PIEZO1: variants seen among roughly 807,000 people sequenced by gnomAD.
PIEZO1 encodes the protein piezo type mechanosensitive ion channel component 1 (Er blood group), also known as piezo-type mechanosensitive ion channel component 1.
Under a neutral mutation model 297.2 loss-of-function variants are expected in PIEZO1, and 296 were observed. The ratio of observed to expected loss-of-function variants is 1.00; its 90% CI spans 0.91 to 1.10. The LOEUF (loss-of-function observed/expected upper bound fraction) is 1.10, where lower values mean the gene tolerates loss of function less well. PIEZO1 is among the 50% of genes least tolerant of loss of function. The pLI, the probability that PIEZO1 is intolerant of heterozygous loss-of-function variation, is 0.00. For synonymous variants in PIEZO1, 2,427 were observed against 1,507.5 expected, an observed-to-expected ratio of 1.61 and a Z score of -14.13; for missense variants, 5,018 against 3,455.5, an observed-to-expected ratio of 1.45 and a Z score of -11.34.
intron 2 of PIEZO1, among the ~76,000 whole-genome samples, chr16:88,748,407 CCT>C (rs1219504208): frequency 8.0e-6 from 1 of 125,624 alleles, no homozygotes; most frequent in Non-Finnish European, 2.0e-5. Context: ...GCCTCACCGC[CCT>C]CTGTTTGGAG....
intron 12 of PIEZO1, among the ~76,000 whole-genome samples, chr16:88,735,597 A>G (rs1359190203): frequency 6.6e-6 from 1 of 152,264 alleles, no homozygotes; most frequent in Non-Finnish European, 1.5e-5. Context: ...ACATATGCAC[A>G]CAAGCTCACA....
chr16:88,749,513 C>G (rs1179053367), intron 1 of PIEZO1, 34 bp from the exon 2 acceptor site: 2 of 1,465,650 alleles, frequency 1.4e-6, no homozygotes, highest in Non-Finnish European at 1.8e-6. Context: ...AGGTCGCCAA[C>G]AGAGGATGGC....
chr16:88,784,992 A>G lies in PIEZO1; in HGVS notation c.-28T>C. On this transcript the variant is annotated 5_prime_UTR_variant, in exon 1 of 51. Coordinates refer to ENST00000301015, the MANE Select transcript of PIEZO1 (RefSeq NM_001142864.4). ...CTGGAGGGCCCAGGGCCCGGCCCAG[A>G]CCGAGCGGACGCCGCGGCGCTATGG... The G allele has an allele frequency of 1.6e-6, 2 of 1,227,022 alleles. No homozygotes were observed. The highest frequency in any genetic ancestry group is 2.0e-6 in the Non-Finnish European group (2 of 979,472). The allele number at this position is 1,227,022 out of a possible 1,614,324, so 76.0% of individuals were successfully genotyped here.
rs1912442567 is a variant in PIEZO1, at chr16:88,721,410, A to G, written c.5424T>C (p.His1808=). ...GCTCCTTGGATGGTGAGTCCTCCTC[A>G]TGGTCCCAGAGGCCATAGCACTGAG... ...SQLLCYGLWD[H]EEDSPSKEHD... The change falls in exon 39 of 51, where the codon CAT becomes CAC. Residue 1808 remains histidine, a synonymous_variant. Transcript: ENST00000301015. The G allele has an allele frequency of 2.6e-6, 4 of 1,548,960 alleles. No individual in the cohort carries two copies. The highest frequency in any genetic ancestry group is 3.9e-5 in the Admixed American group (2 of 50,898).
intron 1 of PIEZO1, among the ~76,000 whole-genome samples, chr16:88,754,003 G>A (rs1906529000): frequency 6.6e-6 from 1 of 152,248 alleles, no homozygotes; most frequent in Admixed American, 6.5e-5. Flanking sequence ...AGCTGCCCAG[G>A]CTGGGCCTGT....
intron 10 of PIEZO1, 107 bp from the exon 11 acceptor site, chr16:88,736,846 A>C (rs1173294441): frequency 1.5e-6 from 1 of 669,220 alleles, no homozygotes; most frequent in Admixed American, 3.1e-5. Flanking sequence ...CAGGAGAGAC[A>C]GGCCCCCGGT....
rs754595848 is a variant in PIEZO1, at chr16:88,732,419, G to C, written c.2907C>G (p.Ser969Arg). The change falls in exon 21 of 51, where the codon AGC becomes AGG. Residue 969 changes from serine to arginine, a missense_variant. Physicochemically the swap from Ser to Arg is moderately radical, Grantham distance 110. Coordinates refer to ENST00000301015, the MANE Select transcript of PIEZO1 (RefSeq NM_001142864.4). ...APLPAQAVFA[S>R]GTRQQLDQDL... ...CCTGGTCCAGCTGCTGGCGGGTGCC[G>C]CTGGCAAACACGGCCTGGGCAGGCA... 1.9e-6 allele frequency: 3 copies of C among 1,549,730 alleles called. No individual in the cohort carries two copies. The highest frequency in any genetic ancestry group is 3.9e-5 in the Admixed American group (2 of 50,984).
chr16:88,719,596 TTGA>T lies in PIEZO1; in HGVS notation c.6446_6448del (p.Ile2149del), dbSNP rs1912282242. 6.4e-7 allele frequency: 1 copy of T among 1,551,266 alleles called. No individual in the cohort carries two copies. The highest frequency in any genetic ancestry group is 8.7e-7 in the Non-Finnish European group (1 of 1,147,294). ...CACCTTCTCTGTCTCTCGGCTGCAT[TTGA>T]TGATGAAGATGTTGGCATAGATGTC... On this transcript the variant is annotated inframe_deletion, in exon 44 of 51. Transcript: ENST00000301015.
chr16:88,780,127 C>T (rs1907862614), intron 1 of PIEZO1, among the ~76,000 whole-genome samples: 1 of 152,224 alleles, frequency 6.6e-6, no homozygotes, highest in Admixed American at 6.5e-5. Context: ...TCTGCCTGCC[C>T]CCGTCCTCCC....
At chr16:88,761,531 G>A (rs1246265456) in intron 1 of PIEZO1, among the ~76,000 whole-genome samples, 2 of 152,206 alleles carry the variant, frequency 1.3e-5, no homozygotes, top group South Asian at 4.1e-4. Context: ...TGTGCTTGCG[G>A]GGTGGGGGCG....
chr16:88,723,394 G>A (rs1322333104), intron 31 of PIEZO1, 66 bp from the exon 32 acceptor site: 3 of 1,520,476 alleles, frequency 2.0e-6, no homozygotes, highest in Non-Finnish European at 2.6e-6. Context: ...GGAAGCTGGG[G>A]TTGGGCAAGC....
chr16:88,778,167 G>A (rs1011619450), intron 1 of PIEZO1, among the ~76,000 whole-genome samples: 44 of 152,208 alleles, frequency 2.9e-4, no homozygotes, highest in African/African-American at 9.9e-4. Flanking sequence ...CTCCCGGACC[G>A]GTGTAGCTCA....
intron 1 of PIEZO1, among the ~76,000 whole-genome samples, chr16:88,771,049 A>G (rs1471268344): frequency 6.6e-6 from 1 of 152,176 alleles, no homozygotes; most frequent in Non-Finnish European, 1.5e-5. Context: ...TCTGTGTTGC[A>G]AGGTCCTTCC....
intron 2 of PIEZO1, chr16:88,743,425 G>A (rs557183859): frequency 1.4e-5 from 6 of 437,780 alleles, no homozygotes; most frequent in Admixed American, 7.2e-5. Context: ...CACCAGCCAC[G>A]CCCGGCCACG....
intron 1 of PIEZO1, 129 bp from the exon 2 acceptor site, chr16:88,749,608 C>A: frequency 1.5e-6 from 1 of 688,782 alleles, no homozygotes. Context: ...TGCCCTGAGC[C>A]AGAGCCGTGG....
Position 88,721,276 on chromosome 16 carries a change from C to G in PIEZO1, c.5558G>C (p.Gly1853Ala), listed in dbSNP as rs775101559. 5 of 1,544,256 alleles carry G rather than the reference C, an allele frequency of 3.2e-6. No individual in the cohort carries two copies. The South Asian group carries it at 5.9e-5, about 18-fold the overall frequency. The change falls in exon 39 of 51, where the codon GGG becomes GCG. Residue 1853 changes from glycine (G) to alanine (A), a missense_variant. Gly to Ala is a moderately conservative substitution (Grantham distance 60, BLOSUM62 0). Coordinates refer to ENST00000301015, the MANE Select transcript of PIEZO1 (RefSeq NM_001142864.4). ...GAGCTCCACTTGGGGTTCTGGGGTC[C>G]CGTCCGTGGGTCCGACCCTGGCTTC... is the stretch of plus-strand genomic sequence containing the variant. ...QVEARVGPTD[G>A]TPEPQVELRP...
rs760315620 is a variant in PIEZO1 at position 88,722,207 on chromosome 16, C to A, written c.4955+11G>T. On this transcript the variant is annotated intron_variant, in intron 36 of 50. Transcript: ENST00000301015. ...ATGGTGAGGCTGGTGTTGTGCGCGT[C>A]CCGCCCCCACCTGTCCAGGAGCAGC... is the stretch of plus-strand genomic sequence containing the variant. 2.6e-6 allele frequency: 4 copies of A among 1,543,454 alleles called. No individual in the cohort carries two copies. Among genetic ancestry groups the A allele is most frequent in the African/African-American group, 1.4e-5 (1 of 73,002 alleles).
In PIEZO1 at chr16:88,719,970, G is replaced by T. The variant is rs1217202034; in HGVS notation, c.6165-10C>A. Reference sequence around the variant, plus strand: ...ATTCTGGTTGAACATCCTGGGGCGGGATGGCCAGGTCAAGGACCCCATCAG... The same window carrying T: ...ATTCTGGTTGAACATCCTGGGGCGGTATGGCCAGGTCAAGGACCCCATCAG... On this transcript the variant is annotated splice_polypyrimidine_tract_variant and intron_variant, in intron 42 of 50. Coordinates refer to ENST00000301015, the MANE Select transcript of PIEZO1 (RefSeq NM_001142864.4). 4 of 1,550,114 alleles carry T rather than the reference G, an allele frequency of 2.6e-6. No homozygotes were observed. Among genetic ancestry groups the T allele is most frequent in the Non-Finnish European group, 3.5e-6 (4 of 1,146,846 alleles).
At chr16:88,732,848 A>G (rs1434158184) in intron 19 of PIEZO1, 116 bp from the exon 20 acceptor site, 1 of 1,090,080 alleles carries the variant, frequency 9.2e-7, no homozygotes, top group Admixed American at 2.9e-5. Context: ...AGCCAGGGAC[A>G]CGGGGGCTGC....
Sources: allele counts gnomAD v4.1 joint callset (sites outside exome capture counted in the v4.1 genomes callset), GRCh38; gene constraint gnomAD v4.1.1; transcripts MANE v1.5; gene names NCBI Gene and HGNC (gene_info 2026-07-23, HGNC 2026-07-21).